Variants in DCTN5 observed in about 807,000 individuals in gnomAD.
DCTN5 encodes the protein dynactin subunit 5, also known as dynactin 4.
In DCTN5, 14 loss-of-function variants were observed where a neutral mutation model predicts 23.5. The ratio of observed to expected loss-of-function variants is 0.60; its 90% CI spans 0.39 to 0.93. The LOEUF (loss-of-function observed/expected upper bound fraction) is 0.93, where lower values mean the gene tolerates loss of function less well. Ranked by LOEUF, DCTN5 falls within the 40% of genes least tolerant of loss-of-function variation. DCTN5 has a pLI of 0.00. For missense variants in DCTN5, 156 were observed against 225.9 expected (o/e 0.69, Z 1.98); for synonymous variants, 67 against 79.6 (o/e 0.84, Z 0.84).
intron 2 of DCTN5, 128 bp downstream of exon 2, chr16:23,643,151 TA>T (rs1967339392): frequency 1.3e-6 from 1 of 778,038 alleles, no homozygotes; most frequent in Non-Finnish European, 2.1e-6. Flanking sequence ...CTCTTGTTTT[TA>T]AATTTTTTAT....
At chr16:23,664,899 G>A (rs1344890550) in intron 4 of DCTN5, among the ~76,000 whole-genome samples, 2 of 152,228 alleles carry the variant, frequency 1.3e-5, no homozygotes, top group Non-Finnish European at 2.9e-5. Flanking sequence ...TGGAATGGGT[G>A]GTGAATATAA....
intron 2 of DCTN5, among the ~76,000 whole-genome samples, chr16:23,650,284 A>G (rs1967572055): frequency 6.6e-6 from 1 of 151,922 alleles, no homozygotes; most frequent in African/African-American, 2.4e-5. Flanking sequence ...TTTGGGAGGT[A>G]CTCAGCTTTT....
chr16:23,665,594 TC>T (rs1156593369), intron 4 of DCTN5, 31 bp from the exon 5 acceptor site: 8 of 1,586,846 alleles, frequency 5.0e-6, no homozygotes, highest in Middle Eastern at 2.2e-4. Context: ...AGTAGACTGA[TC>T]CATTTCCTAT....
rs1968013493 is a variant in DCTN5, at chr16:23,671,875, A to G, written c.*4731A>G. On this transcript the variant is annotated 3_prime_UTR_variant, in exon 6 of 6. Transcript: ENST00000300087. ...TACCTGGACTTTTCTGTATCTTCAC[A>G]TCCATTGGGCATTGGGCAAATGGGT... 1.3e-5 allele frequency: 2 copies of G among 152,176 alleles called. No individual in the cohort carries two copies. Among genetic ancestry groups the G allele is most frequent in the African/African-American group, 4.8e-5 (2 of 41,432 alleles). 9.4% of individuals were successfully genotyped at this position (152,176 alleles called of 1,614,324 possible).
chr16:23,642,675 AG>A, intron 1 of DCTN5: 1 of 299,288 alleles, frequency 3.3e-6, no homozygotes, highest in South Asian at 5.9e-5. Flanking sequence ...TTTGTTGAGA[AG>A]GGGTCTCACT....
In DCTN5 at chr16:23,641,610, T is replaced by C; in HGVS notation, c.48+20T>C. 1 of 1,613,750 alleles carries C rather than the reference T, an allele frequency of 6.2e-7. No homozygotes were observed. Among genetic ancestry groups the C allele is most frequent in the Non-Finnish European group, 8.5e-7 (1 of 1,179,768 alleles). On this transcript the variant is annotated intron_variant, in intron 1 of 5. Transcript: ENST00000300087. ...GAGACGGTGCGCGGGTCCAGATATG[T>C]ATCCTCCTCTTTCCAACCCTGCGTC...
At chr16:23,641,734 C>G (rs1223014855) in intron 1 of DCTN5, 144 bp downstream of exon 1, 3 of 853,960 alleles carry the variant, frequency 3.5e-6, no homozygotes, top group African/African-American at 1.7e-5. Context: ...CCCCGTGTAC[C>G]GTCTGGCTTT....
chr16:23,657,261 G>C (rs1193541822), intron 2 of DCTN5, among the ~76,000 whole-genome samples: 1 of 152,178 alleles, frequency 6.6e-6, no homozygotes, highest in Non-Finnish European at 1.5e-5. Context: ...TTCAAGACCA[G>C]CGTGGGCAAC....
At chr16:23,663,520 C>T (rs989557532) in intron 4 of DCTN5, among the ~76,000 whole-genome samples, 1 of 152,112 alleles carries the variant, frequency 6.6e-6, no homozygotes, top group Admixed American at 6.5e-5. Context: ...TTAAGACCAG[C>T]CTGGCCAACA....
rs762722648 is a variant in DCTN5, at chr16:23,667,577, A to G, written c.*433A>G. 1.7e-4 allele frequency: 28 copies of G among 160,976 alleles called. No individual in the cohort carries two copies. Among genetic ancestry groups the G allele is most frequent in the Non-Finnish European group, 2.7e-4 (20 of 73,134 alleles). 10.0% of individuals were successfully genotyped at this position (160,976 alleles called of 1,614,324 possible). On this transcript the variant is annotated 3_prime_UTR_variant, in exon 6 of 6. Transcript: ENST00000300087. ...ATGCTGAGCGCCTCTCACACAGGTA[A>G]TGCCCAGCTTTTCTGCTGCTAACAC... is the stretch of plus-strand genomic sequence containing the variant.
chr16:23,658,674 T>C (rs748156454), intron 3 of DCTN5, 49 bp downstream of exon 3: 4 of 1,398,388 alleles, frequency 2.9e-6, no homozygotes, highest in Admixed American at 3.3e-5. Flanking sequence ...AAGCTGCCAC[T>C]GGTGGTGTGG....
rs1306927963 is a variant in DCTN5, at chr16:23,675,829, A to G, written c.*8685A>G. On this transcript the variant is annotated 3_prime_UTR_variant, in exon 6 of 6. Transcript: ENST00000300087. The stretch of plus-strand genomic sequence containing the variant: ...TGAAGATCTCCCACAAATGTCATCC[A>G]TGCTCATGAGATGGATCAACTTGTA... 4 of 152,214 alleles carry G rather than the reference A, an allele frequency of 2.6e-5. No homozygotes were observed. Among genetic ancestry groups the G allele is most frequent in the Non-Finnish European group, 5.9e-5 (4 of 68,048 alleles). The allele number at this position is 152,214 out of a possible 1,614,324, so 9.4% of individuals were successfully genotyped here.
At chr16:23,665,222 G>A (rs934154843) in intron 4 of DCTN5, among the ~76,000 whole-genome samples, 1 of 152,158 alleles carries the variant, frequency 6.6e-6, no homozygotes, top group Non-Finnish European at 1.5e-5. Flanking sequence ...GGGCTGGGGG[G>A]TGAAGCACAT....
At chr16:23,642,093 G>A (rs1478195244) in intron 1 of DCTN5, among the ~76,000 whole-genome samples, 2 of 152,044 alleles carry the variant, frequency 1.3e-5, no homozygotes, top group Admixed American at 6.6e-5. Context: ...CACCACGCCC[G>A]GCTAATTTTT....
At chr16:23,650,629 C>T (rs539582797) in intron 2 of DCTN5, 49 of 892,750 alleles carry the variant, frequency 5.5e-5, no homozygotes, top group African/African-American at 3.2e-4. Flanking sequence ...CCGGCTGGCC[C>T]GTCTGTGCAT....
At chr16:23,643,444 C>T (rs965663077) in intron 2 of DCTN5, among the ~76,000 whole-genome samples, 11 of 152,104 alleles carry the variant, frequency 7.2e-5, no homozygotes, top group African/African-American at 2.4e-4. Flanking sequence ...CCACCCACCT[C>T]GGCCTCCCAA....
chr16:23,654,942 T>G (rs1177127505), intron 2 of DCTN5, among the ~76,000 whole-genome samples: 1 of 152,202 alleles, frequency 6.6e-6, no homozygotes, highest in Non-Finnish European at 1.5e-5. Context: ...CGTTCTTTTT[T>G]ATGACTGAAT....
At position 23,658,922 on chromosome 16, in the gene DCTN5, C is replaced by T. The variant is rs191708094; in HGVS notation, c.236+297C>T. ...GAGCAAGCCAGGCCTCACAAGGGACCGGAACCTGGAATTGGACAGCTAGCC... is the reference window on the plus strand; with the variant it reads ...GAGCAAGCCAGGCCTCACAAGGGACTGGAACCTGGAATTGGACAGCTAGCC... On this transcript the variant is annotated intron_variant, in intron 3 of 5. Coordinates refer to ENST00000300087, the MANE Select transcript of DCTN5 (RefSeq NM_032486.4). Among the ~76,000 whole-genome samples, 5 of 152,288 alleles carry T rather than the reference C, an allele frequency of 3.3e-5. No homozygotes were observed. In the East Asian group the frequency reaches 5.8e-4, roughly 18 times the overall value.
chr16:23,661,293 G>T lies in DCTN5; in HGVS notation c.348+12G>T, dbSNP rs1967805622. On this transcript the variant is annotated intron_variant, in intron 4 of 5. Transcript: ENST00000300087. ...AGAACTGTGTGATTGTGAGTATGAT[G>T]ACTTGGCTGGCAAAGCAGCTTCACT... 2.5e-6 allele frequency: 4 copies of T among 1,594,302 alleles called. No individual in the cohort carries two copies. The South Asian group carries it at 3.4e-5, about 13-fold the overall frequency.
Sources: allele counts gnomAD v4.1 joint callset (sites outside exome capture counted in the v4.1 genomes callset), GRCh38; gene constraint gnomAD v4.1.1; transcripts MANE v1.5; gene names NCBI Gene and HGNC (gene_info 2026-07-23, HGNC 2026-07-21).